The following CMSS1 variants were observed in gnomAD, a reference collection of about 807,000 sequenced individuals.
CMSS1 encodes protein CMSS1.
A neutral mutation model predicts 43.5 loss-of-function variants in CMSS1; 33 were observed. That is an observed-to-expected ratio of 0.76 (90% CI 0.57 to 1.01). The LOEUF is 1.01. Among genes scored for constraint, CMSS1 ranks in the 50% least tolerant of loss-of-function variants. The probability of loss-of-function intolerance (pLI) is 0.00; values close to 1 mark genes in which losing one functional copy is unlikely to be tolerated. For missense variants in CMSS1, 313 were observed against 326.4 expected (o/e 0.96, Z 0.32); for synonymous variants, 115 against 117.2 (o/e 0.98, Z 0.12).
chr3:100,110,646 C>T (rs1276504972), intron 1 of CMSS1, among the ~76,000 whole-genome samples: 3 of 152,138 alleles, frequency 2.0e-5, no homozygotes, highest in African/African-American at 7.2e-5. Flanking sequence ...AGCTATGTGG[C>T]TTAACTCTCA....
intron 1 of CMSS1, among the ~76,000 whole-genome samples, chr3:100,106,487 C>T (rs529896263): frequency 4.3e-4 from 66 of 152,264 alleles, no homozygotes; most frequent in African/African-American, 1.5e-3. Context: ...GATCTGGAGC[C>T]ACCCATCTGA....
chr3:99,910,561 CAAGGA>C (rs1706756863), intron 1 of CMSS1, among the ~76,000 whole-genome samples: 1 of 136,470 alleles, frequency 7.3e-6, no homozygotes, highest in Admixed American at 7.8e-5. Flanking sequence ...TACCACTTTC[CAAGGA>C]AACAATTTTT....
intron 1 of CMSS1, among the ~76,000 whole-genome samples, chr3:99,977,005 C>T (rs1381100595): frequency 2.0e-5 from 3 of 152,188 alleles, no homozygotes; most frequent in Non-Finnish European, 4.4e-5. Flanking sequence ...AGCCTATGAT[C>T]ACCGTTTAGC....
intron 1 of CMSS1, among the ~76,000 whole-genome samples, chr3:99,984,732 T>C (rs1264736799): frequency 1.3e-5 from 2 of 152,190 alleles, no homozygotes; most frequent in African/African-American, 2.4e-5. Context: ...GTAGTAAGAA[T>C]AGAAAGATCT....
intron 1 of CMSS1, chr3:99,876,145 G>T: frequency 4.1e-6 from 4 of 986,176 alleles, no homozygotes; most frequent in Non-Finnish European, 4.8e-6. Context: ...AGCCGACTGT[G>T]CGCGCTCCGA....
chr3:100,093,590 G>A (rs920544992), intron 1 of CMSS1, among the ~76,000 whole-genome samples: 5 of 152,098 alleles, frequency 3.3e-5, no homozygotes, highest in Non-Finnish European at 7.4e-5. Flanking sequence ...ACATCTTACA[G>A]AACTGTAGTG....
chr3:100,104,673 G>A (rs530297645), intron 1 of CMSS1, among the ~76,000 whole-genome samples: 2 of 152,272 alleles, frequency 1.3e-5, no homozygotes, highest in South Asian at 2.1e-4. Flanking sequence ...TGCAGGAGTA[G>A]TAGCAGTGAA....
At chr3:99,879,596 G>A (rs942806351) in intron 1 of CMSS1, among the ~76,000 whole-genome samples, 10 of 152,262 alleles carry the variant, frequency 6.6e-5, no homozygotes, top group African/African-American at 2.4e-4. Context: ...TGCCAAAGAA[G>A]CAGTAATTAA....
rs549195983 is a variant in CMSS1 at position 99,895,752 on chromosome 3, A to G, written c.64+77709A>G. On this transcript the variant is annotated intron_variant, in intron 1 of 9. Coordinates refer to ENST00000421999, the MANE Select transcript of CMSS1 (RefSeq NM_032359.4). ...GATGGAAAACCTCTTCCTTTTAACTACTCTCCATCAAGTTTTCTGTTGACT... is the reference window on the plus strand; with the variant it reads ...GATGGAAAACCTCTTCCTTTTAACTGCTCTCCATCAAGTTTTCTGTTGACT... Among the ~76,000 whole-genome samples, 4 of 151,870 alleles carry G rather than the reference A, an allele frequency of 2.6e-5. No homozygotes were observed. The East Asian group carries it at 7.7e-4, about 29-fold the overall frequency.
intron 1 of CMSS1, among the ~76,000 whole-genome samples, chr3:100,126,447 G>C (rs528880483): frequency 6.6e-6 from 1 of 152,268 alleles, no homozygotes; most frequent in Admixed American, 6.5e-5. Context: ...TATGAATAGT[G>C]ACCAGGTTTC....
chr3:100,154,904 G>A (rs1179814755), intron 2 of CMSS1, among the ~76,000 whole-genome samples: 2 of 152,088 alleles, frequency 1.3e-5, no homozygotes, highest in Admixed American at 6.5e-5. Flanking sequence ...CCCAGGAGGC[G>A]GAGGTTGCAG....
At chr3:100,117,682 GTAA>G (rs1044635058) in intron 1 of CMSS1, among the ~76,000 whole-genome samples, 37 of 150,050 alleles carry the variant, frequency 2.5e-4, no homozygotes, top group Non-Finnish European at 4.0e-4. Context: ...AAATATCTCA[GTAA>G]TAATGTGTAT....
chr3:99,827,196 ATTG>A (rs1942551171), intron 1 of CMSS1, among the ~76,000 whole-genome samples: 1 of 151,962 alleles, frequency 6.6e-6, no homozygotes, highest in Admixed American at 6.5e-5. Flanking sequence ...AACTTTATTT[ATTG>A]TTATTATTTT....
chr3:99,862,261 G>GA (rs1944301794), intron 1 of CMSS1, among the ~76,000 whole-genome samples: 1 of 151,866 alleles, frequency 6.6e-6, no homozygotes, highest in East Asian at 1.9e-4. Context: ...TGGCATATTG[G>GA]AAAAAAAAGT....
At chr3:100,002,972 C>G (rs1559721451) in intron 1 of CMSS1, among the ~76,000 whole-genome samples, 1 of 152,144 alleles carries the variant, frequency 6.6e-6, no homozygotes, top group Non-Finnish European at 1.5e-5. Flanking sequence ...GTCCAGGCGA[C>G]AAGATTGATG....
In CMSS1 at chr3:99,989,680, A is replaced by T. The variant is rs548312016; in HGVS notation, c.65-157293A>T. Reference sequence around the variant, plus strand: ...TATCTTCCTCTATATATATATATATATATATTTTTTTTCTTTTTTTTGCAG... The same window carrying T: ...TATCTTCCTCTATATATATATATATTTATATTTTTTTTCTTTTTTTTGCAG... On this transcript the variant is annotated intron_variant, in intron 1 of 9. Transcript: ENST00000421999. 2.7e-3 allele frequency among the ~76,000 whole-genome samples: 354 copies of T among 133,548 alleles called. 1 individual carries two copies. Among genetic ancestry groups the T allele is most frequent in the South Asian group, 5.7e-3 (24 of 4,234 alleles). The allele number at this position is 133,548 out of a possible 152,430, so 87.6% of individuals were successfully genotyped here. A position where few individuals can be genotyped will look rare whatever the true frequency, so the allele number is the denominator to read the frequency against.
At chr3:99,956,850 C>T (rs1464576148) in intron 1 of CMSS1, among the ~76,000 whole-genome samples, 2 of 152,178 alleles carry the variant, frequency 1.3e-5, no homozygotes, top group Admixed American at 1.3e-4. Context: ...CTTCACATTG[C>T]CTGAATTCAT....
chr3:100,156,589 G>A (rs897771611), intron 2 of CMSS1, among the ~76,000 whole-genome samples: 4 of 151,774 alleles, frequency 2.6e-5, no homozygotes, highest in Non-Finnish European at 5.9e-5. Context: ...CTACAGGCGT[G>A]AGCCACCACG....
chr3:99,899,587 A>G (rs1031017850), intron 1 of CMSS1, among the ~76,000 whole-genome samples: 1 of 152,160 alleles, frequency 6.6e-6, no homozygotes, highest in African/African-American at 2.4e-5. Flanking sequence ...CCTAACCCCT[A>G]TTGCATTCTT....
Sources: gnomAD v4.1 joint callset for allele counts (sites outside exome capture counted in the v4.1 genomes callset) on GRCh38, gnomAD v4.1.1 for gene constraint, MANE v1.5 for transcripts, NCBI Gene and HGNC (gene_info 2026-07-23, HGNC 2026-07-21) for gene names.